The following IQCM variants were observed in gnomAD, a reference collection of about 807,000 sequenced individuals.
The protein encoded by IQCM is IQ domain-containing protein M.
A neutral mutation model predicts 57.6 loss-of-function variants in IQCM; 45 were observed. The observed-to-expected ratio is 0.78, with a 90% CI of 0.62 to 1.00. The LOEUF (loss-of-function observed/expected upper bound fraction) is 1.00, where lower values mean the gene tolerates loss of function less well. Ranked by LOEUF, IQCM falls within the 50% of genes least tolerant of loss-of-function variation. The pLI, the probability that IQCM is intolerant of heterozygous loss-of-function variation, is 0.00. For synonymous variants in IQCM, 148 were observed against 158.9 expected (o/e 0.93, Z 0.51); for missense variants, 468 against 511.6 (o/e 0.91, Z 0.82).
chr4:149,672,690 T>C (rs1163397300), intron 7 of IQCM, among the ~76,000 whole-genome samples: 6 of 152,182 alleles, frequency 3.9e-5, no homozygotes, highest in Non-Finnish European at 8.8e-5. Flanking sequence ...GGAACCAAGT[T>C]GGAAAACACT....
intron 6 of IQCM, 130 bp from the exon 7 acceptor site, chr4:149,682,336 C>CTGTT (rs1762239252): frequency 2.5e-6 from 1 of 392,996 alleles, no homozygotes; most frequent in Non-Finnish European, 4.5e-6. Flanking sequence ...AGGACTACAC[C>CTGTT]TGTTGTTCCC....
At chr4:149,358,625 A>G (rs200653087) in intron 13 of IQCM, among the ~76,000 whole-genome samples, 41 of 152,218 alleles carry the variant, frequency 2.7e-4, no homozygotes, top group African/African-American at 8.2e-4. Flanking sequence ...CCTTTTGATA[A>G]AAACAAGTCA....
chr4:149,672,017 A>T (rs950555167), intron 7 of IQCM, among the ~76,000 whole-genome samples: 4 of 152,154 alleles, frequency 2.6e-5, no homozygotes, highest in African/African-American at 9.7e-5. Context: ...CAGGGTCTAG[A>T]GTGGACCTCC....
intron 2 of IQCM, among the ~76,000 whole-genome samples, chr4:149,798,089 G>C (rs1773276900): frequency 6.6e-6 from 1 of 151,938 alleles, no homozygotes; most frequent in African/African-American, 2.4e-5. Context: ...GTCATAAGTA[G>C]AAAAACTAGT....
At chr4:149,726,083 G>T (rs1347066909) in intron 5 of IQCM, among the ~76,000 whole-genome samples, 2 of 108,722 alleles carry the variant, frequency 1.8e-5, no homozygotes, top group Non-Finnish European at 2.1e-5. Context: ...AAGAAAGAAA[G>T]AAAGAAAGAA....
chr4:149,642,607 A>G (rs548654962), intron 7 of IQCM, among the ~76,000 whole-genome samples: 1 of 152,248 alleles, frequency 6.6e-6, no homozygotes, highest in Non-Finnish European at 1.5e-5. Context: ...GAAAATTTGG[A>G]GCTCCTTCAA....
intron 13 of IQCM, among the ~76,000 whole-genome samples, chr4:149,400,497 C>T (rs17026189): frequency 0.022 from 3,319 of 151,964 alleles, 107 homozygotes; most frequent in African/African-American, 0.068. Flanking sequence ...TATTTCCAGC[C>T]ACATACATTC....
At chr4:149,679,581 T>C (rs1037456405) in intron 7 of IQCM, among the ~76,000 whole-genome samples, 1 of 151,546 alleles carries the variant, frequency 6.6e-6, no homozygotes, top group Non-Finnish European at 1.5e-5. Context: ...AAGAACTGAT[T>C]TGATCTTTAC....
chr4:149,411,490 A>ATTTAC (rs1733380693), intron 13 of IQCM, among the ~76,000 whole-genome samples: 1 of 152,118 alleles, frequency 6.6e-6, no homozygotes, highest in Admixed American at 6.6e-5. Flanking sequence ...GGGAATGAAA[A>ATTTAC]TTTACTTGGC....
At chr4:149,427,106 G>T (rs1734514246) in intron 13 of IQCM, among the ~76,000 whole-genome samples, 1 of 151,682 alleles carries the variant, frequency 6.6e-6, no homozygotes, top group Non-Finnish European at 1.5e-5. Context: ...ATTTTTTGAA[G>T]TTCCTCATTT....
rs574837343 is a variant in IQCM at position 149,667,895 on chromosome 4, C to T, written c.565+14223G>A. Among the ~76,000 whole-genome samples the T allele has an allele frequency of 3.9e-4, 59 of 151,632 alleles. No homozygotes were observed. The East Asian group carries it at 0.01, about 26-fold the overall frequency. ...AAGATTAGAGAAGAATGAAAAGGAA[C>T]AAAAAAAGCTTCCAAGAAATATGGC... On this transcript the variant is annotated intron_variant, in intron 7 of 13. Transcript: ENST00000636793.
intron 7 of IQCM, among the ~76,000 whole-genome samples, chr4:149,622,059 T>C (rs1266156373): frequency 6.6e-6 from 1 of 152,198 alleles, no homozygotes; most frequent in African/African-American, 2.4e-5. Context: ...TATAGAAAAC[T>C]CAAGAAGTAA....
At chr4:149,734,678 G>A (rs920210411) in intron 4 of IQCM, among the ~76,000 whole-genome samples, 2 of 151,986 alleles carry the variant, frequency 1.3e-5, no homozygotes, top group African/African-American at 4.8e-5. Context: ...CCCCTCACCT[G>A]TCTTCCCAAA....
At chr4:149,789,661 C>T (rs948480024) in intron 2 of IQCM, among the ~76,000 whole-genome samples, 21 of 152,168 alleles carry the variant, frequency 1.4e-4, no homozygotes, top group Admixed American at 1.4e-3. Context: ...GTCCCAGATA[C>T]TCAGGAGGCT....
At chr4:149,815,009 T>A (rs1774920581) in intron 2 of IQCM, among the ~76,000 whole-genome samples, 1 of 152,046 alleles carries the variant, frequency 6.6e-6, no homozygotes, top group African/African-American at 2.4e-5. Context: ...TATCCTACTC[T>A]TTGAAAATGC....
At chr4:149,678,747 C>T (rs1487308088) in intron 7 of IQCM, among the ~76,000 whole-genome samples, 2 of 150,830 alleles carry the variant, frequency 1.3e-5, no homozygotes, top group East Asian at 3.9e-4. Context: ...AAGAGATTGA[C>T]AATGTTTCAA....
chr4:149,393,070 C>T (rs1351545849), intron 13 of IQCM, among the ~76,000 whole-genome samples: 3 of 151,854 alleles, frequency 2.0e-5, no homozygotes, highest in Non-Finnish European at 4.4e-5. Context: ...AGCTATTCAG[C>T]AGGCTGAGAT....
Position 149,500,918 on chromosome 4 carries a change from A to T in IQCM, c.1228+47537T>A, listed in dbSNP as rs989977936. 2.0e-5 allele frequency among the ~76,000 whole-genome samples: 3 copies of T among 152,130 alleles called. No homozygotes were observed. The South Asian group carries it at 6.2e-4, about 32-fold the overall frequency. On this transcript the variant is annotated intron_variant, in intron 12 of 13. Transcript: ENST00000636793. ...GAGATAGAACAATGACATAATACCA[A>T]TCCTGATGGTTATGCTATTCTATGC...
At chr4:149,579,658 C>T (rs1009374666) in intron 9 of IQCM, among the ~76,000 whole-genome samples, 4 of 151,828 alleles carry the variant, frequency 2.6e-5, no homozygotes, top group Non-Finnish European at 5.9e-5. Context: ...CAATTGCTTG[C>T]CTTAAATTTG....
Sources: allele counts gnomAD v4.1 joint callset (sites outside exome capture counted in the v4.1 genomes callset), GRCh38; gene constraint gnomAD v4.1.1; transcripts MANE v1.5; gene names NCBI Gene and HGNC (gene_info 2026-07-23, HGNC 2026-07-21).